CNTN1: variants seen among roughly 807,000 people sequenced by gnomAD.
CNTN1 encodes the protein contactin-1.
A neutral mutation model predicts 126.4 loss-of-function variants in CNTN1; 38 were observed. The ratio of observed to expected loss-of-function variants is 0.30; its 90% CI spans 0.23 to 0.39. CNTN1 has a LOEUF of 0.39. Ranked by LOEUF, CNTN1 falls within the 10% of genes least tolerant of loss-of-function variation. The pLI is 1.00. For synonymous variants in CNTN1, 413 were observed against 422.6 expected (o/e 0.98, Z 0.28); for missense variants, 1,009 against 1,248.4 (o/e 0.81, Z 2.89).
At chr12:40,926,751 T>C (rs1945707075) in intron 6 of CNTN1, among the ~76,000 whole-genome samples, 2 of 152,072 alleles carry the variant, frequency 1.3e-5, no homozygotes, top group East Asian at 3.9e-4. Context: ...CTAGATAAAA[T>C]AGAATATACT....
At chr12:40,697,088 G>A (rs1426428715) in intron 1 of CNTN1, among the ~76,000 whole-genome samples, 1 of 152,058 alleles carries the variant, frequency 6.6e-6, no homozygotes, top group Non-Finnish European at 1.5e-5. Context: ...ATGAACCTTT[G>A]TATACATTAA....
chr12:40,773,832 A>G (rs1939472019), intron 1 of CNTN1, among the ~76,000 whole-genome samples: 1 of 151,276 alleles, frequency 6.6e-6, no homozygotes, highest in Non-Finnish European at 1.5e-5. Flanking sequence ...AAAGCAATGT[A>G]TCAGCAAACA....
At chr12:40,917,665 G>A (rs779902823) in intron 3 of CNTN1, among the ~76,000 whole-genome samples, 37 of 152,066 alleles carry the variant, frequency 2.4e-4, no homozygotes, top group Admixed American at 2.2e-3. Flanking sequence ...AAGAATATTC[G>A]TTCTTTCTAG....
intron 20 of CNTN1, among the ~76,000 whole-genome samples, chr12:41,024,461 T>G (rs1466981632): frequency 2.0e-5 from 3 of 152,114 alleles, no homozygotes; most frequent in Non-Finnish European, 2.9e-5. Flanking sequence ...TCTTAAACTT[T>G]AAGAGAAAAG....
At chr12:40,894,762 C>G (rs1944349843) in intron 1 of CNTN1, among the ~76,000 whole-genome samples, 1 of 152,066 alleles carries the variant, frequency 6.6e-6, no homozygotes, top group South Asian at 2.1e-4. Flanking sequence ...TTCATGAAGA[C>G]TTATGAAGAA....
intron 1 of CNTN1, among the ~76,000 whole-genome samples, chr12:40,772,068 T>C (rs116393343): frequency 0.016 from 2,387 of 152,150 alleles, 51 homozygotes; most frequent in African/African-American, 0.053. Context: ...GTTATCCAGA[T>C]ACTGGAATAC....
At chr12:40,773,645 AT>A (rs1939439745) in intron 1 of CNTN1, among the ~76,000 whole-genome samples, 1 of 3,928 alleles carries the variant, frequency 2.5e-4, no homozygotes, top group Non-Finnish European at 1.5e-3. Context: ...ATATATATAT[AT>A]ATATATATAC....
chr12:40,964,559 T>TGC (rs1163881773), intron 15 of CNTN1, among the ~76,000 whole-genome samples: 3 of 150,904 alleles, frequency 2.0e-5, no homozygotes, highest in African/African-American at 7.3e-5. Context: ...TGTGTGTGTG[T>TGC]GCATGCAGCT....
chr12:41,012,359 C>T (rs145058072), intron 17 of CNTN1, among the ~76,000 whole-genome samples: 9 of 152,322 alleles, frequency 5.9e-5, no homozygotes, highest in African/African-American at 1.9e-4. Flanking sequence ...AAACAGGATT[C>T]CTTCCCTGAA....
intron 15 of CNTN1, 50 bp downstream of exon 15, chr12:40,959,284 C>T (rs1313211652): frequency 6.3e-7 from 1 of 1,592,114 alleles, no homozygotes; most frequent in East Asian, 2.2e-5. Flanking sequence ...ATTTGACTTG[C>T]ATAAACATGT....
intron 6 of CNTN1, among the ~76,000 whole-genome samples, chr12:40,929,557 AAT>A (rs1945809720): frequency 6.6e-6 from 1 of 152,070 alleles, no homozygotes; most frequent in South Asian, 2.1e-4. Context: ...GCAAGAATAT[AAT>A]AGTTTATTAA....
At chr12:40,960,464 A>G (rs557960515) in intron 15 of CNTN1, among the ~76,000 whole-genome samples, 16 of 151,952 alleles carry the variant, frequency 1.1e-4, no homozygotes, top group Non-Finnish European at 2.1e-4. Context: ...ATTTTACTCA[A>G]TCTCATGCAG....
At chr12:40,771,263 C>T (rs151101400) in intron 1 of CNTN1, among the ~76,000 whole-genome samples, 3 of 152,142 alleles carry the variant, frequency 2.0e-5, no homozygotes, top group South Asian at 4.1e-4. Flanking sequence ...TGGGCTAGAA[C>T]CATTTCTCAG....
chr12:40,719,644 T>C (rs952438865), intron 1 of CNTN1, among the ~76,000 whole-genome samples: 15 of 152,242 alleles, frequency 9.9e-5, no homozygotes, highest in Admixed American at 2.0e-4. Context: ...AGATATATCA[T>C]CCTTATTTGC....
At chr12:40,724,412 T>C (rs1401991496) in intron 1 of CNTN1, among the ~76,000 whole-genome samples, 2 of 152,208 alleles carry the variant, frequency 1.3e-5, no homozygotes, top group Non-Finnish European at 2.9e-5. Context: ...TCAGCTTCAA[T>C]ATAGGCTGAT....
intron 17 of CNTN1, among the ~76,000 whole-genome samples, chr12:41,011,511 G>A (rs917070280): frequency 5.3e-5 from 8 of 152,206 alleles, no homozygotes; most frequent in Non-Finnish European, 1.5e-5. Flanking sequence ...TCCCCCTGTT[G>A]TTTTCTCTCC....
At chr12:40,851,782 A>G (rs532370086) in intron 1 of CNTN1, among the ~76,000 whole-genome samples, 7 of 152,150 alleles carry the variant, frequency 4.6e-5, no homozygotes, top group African/African-American at 1.7e-4. Flanking sequence ...TTTATGAGTT[A>G]GGGAAGTGGG....
chr12:41,008,578 C>T (rs1295618178), intron 17 of CNTN1, among the ~76,000 whole-genome samples: 2 of 152,080 alleles, frequency 1.3e-5, no homozygotes, highest in East Asian at 3.9e-4. Context: ...CAATTAATTC[C>T]TTCACAGCTT....
In CNTN1 at chr12:40,760,520, G is replaced by A. The variant is rs967584939; in HGVS notation, c.-77+67928G>A. On this transcript the variant is annotated intron_variant, in intron 1 of 23. Transcript: ENST00000551295. ...TTCCTTAGATTATAGCTCACTAGGC[G>A]TGTGCAAATTATTGTGTTTTAAAAT... 7.9e-5 allele frequency among the ~76,000 whole-genome samples: 12 copies of A among 151,648 alleles called. No individual in the cohort carries two copies. In the South Asian group the frequency reaches 8.3e-4, roughly 11 times the overall value.
Sources: gnomAD v4.1 joint callset for allele counts (sites outside exome capture counted in the v4.1 genomes callset) on GRCh38, gnomAD v4.1.1 for gene constraint, MANE v1.5 for transcripts, NCBI Gene and HGNC (gene_info 2026-07-23, HGNC 2026-07-21) for gene names.